The following PDE4D variants were observed in gnomAD, a reference collection of about 807,000 sequenced individuals.
The protein encoded by PDE4D is phosphodiesterase 4D.
Under a neutral mutation model 87.4 loss-of-function variants are expected in PDE4D, and 24 were observed. That is an observed-to-expected ratio of 0.27 (90% CI 0.20 to 0.39). PDE4D has a LOEUF of 0.39. Among genes scored for constraint, PDE4D ranks in the 10% least tolerant of loss-of-function variants. The probability of loss-of-function intolerance (pLI) is 1.00; values close to 1 mark genes in which losing one functional copy is unlikely to be tolerated. For synonymous variants in PDE4D, 384 were observed against 383.2 expected (o/e 1.00, Z -0.02); for missense variants, 714 against 1,041.0 (o/e 0.69, Z 4.32).
intron 1 of PDE4D, among the ~76,000 whole-genome samples, chr5:59,771,453 GAA>G (rs1763451974): frequency 1.5e-5 from 1 of 68,952 alleles, no homozygotes; most frequent in Non-Finnish European, 2.8e-5. Context: ...AAGAAAGAAA[GAA>G]AGAAAGAAAG....
chr5:59,423,456 C>T (rs1182323210), intron 1 of PDE4D, among the ~76,000 whole-genome samples: 1 of 152,016 alleles, frequency 6.6e-6, no homozygotes, highest in Non-Finnish European at 1.5e-5. Context: ...ATTCCATTGC[C>T]AAATTTTTTC....
At position 59,218,916 on chromosome 5, in the gene PDE4D, T is replaced by C. The variant is rs954238557; in HGVS notation, c.456-2948A>G. On this transcript the variant is annotated intron_variant, in intron 1 of 14. Transcript: ENST00000340635. The stretch of plus-strand genomic sequence containing the variant: ...GTAGGGACATGGATGAAATTGGAAA[T>C]CATCATTCTCAGTAAACTATCGCAA... Among the ~76,000 whole-genome samples, 5 of 151,494 alleles carry C rather than the reference T, an allele frequency of 3.3e-5. No homozygotes were observed. In the South Asian group the frequency reaches 6.3e-4, roughly 19 times the overall value.
intron 1 of PDE4D, among the ~76,000 whole-genome samples, chr5:59,401,087 T>G (rs429191): frequency 0.42 from 63,836 of 151,982 alleles, 13,698 homozygotes; most frequent in East Asian, 0.49. Flanking sequence ...ACAAAATTAT[T>G]TAAAATATTG....
intron 1 of PDE4D, among the ~76,000 whole-genome samples, chr5:59,367,764 T>C (rs1416122469): frequency 6.6e-6 from 1 of 152,164 alleles, no homozygotes; most frequent in African/African-American, 2.4e-5. Context: ...GAAGTCTGCC[T>C]TACAGAGCCT....
At chr5:59,501,584 G>A (rs1164875460) in intron 1 of PDE4D, among the ~76,000 whole-genome samples, 1 of 152,120 alleles carries the variant, frequency 6.6e-6, no homozygotes, top group East Asian at 1.9e-4. Flanking sequence ...CAGCTGGGGA[G>A]GAAAGAGGAA....
intron 1 of PDE4D, among the ~76,000 whole-genome samples, chr5:60,355,939 A>C (rs1759581812): frequency 6.6e-6 from 1 of 152,132 alleles, no homozygotes; most frequent in Non-Finnish European, 1.5e-5. Flanking sequence ...GCAGACCCAC[A>C]CATTCCAGAC....
chr5:59,531,158 A>G (rs1814153472), intron 1 of PDE4D, among the ~76,000 whole-genome samples: 1 of 152,218 alleles, frequency 6.6e-6, no homozygotes, highest in African/African-American at 2.4e-5. Flanking sequence ...GCTTGTACAT[A>G]TATTCTGAAG....
chr5:60,176,440 C>T (rs970604636), intron 2 of PDE4D, among the ~76,000 whole-genome samples: 13 of 152,046 alleles, frequency 8.6e-5, no homozygotes, highest in Non-Finnish European at 1.9e-4. Flanking sequence ...CATCTCTGAG[C>T]TTAAATCAGA....
At chr5:60,402,109 T>C (rs1003268105) in intron 1 of PDE4D, among the ~76,000 whole-genome samples, 1 of 152,230 alleles carries the variant, frequency 6.6e-6, no homozygotes, top group African/African-American at 2.4e-5. Flanking sequence ...TCAGAGTAGA[T>C]GGGGCCACTG....
chr5:60,079,114 G>A (rs902560594), intron 2 of PDE4D, among the ~76,000 whole-genome samples: 2 of 152,120 alleles, frequency 1.3e-5, no homozygotes, highest in Non-Finnish European at 2.9e-5. Flanking sequence ...TAGTGGTTTT[G>A]ATTTGCATTT....
chr5:59,848,150 A>C (rs889679641), intron 1 of PDE4D, among the ~76,000 whole-genome samples: 2 of 152,052 alleles, frequency 1.3e-5, no homozygotes, highest in Non-Finnish European at 2.9e-5. Context: ...TAAAAGCTTT[A>C]AAAAATAAGA....
chr5:59,136,535 C>T (rs1248144853), intron 5 of PDE4D, among the ~76,000 whole-genome samples: 2 of 152,104 alleles, frequency 1.3e-5, no homozygotes, highest in Non-Finnish European at 2.9e-5. Flanking sequence ...TAATGCAATA[C>T]TATGTGTCAA....
intron 5 of PDE4D, among the ~76,000 whole-genome samples, chr5:59,043,583 T>C (rs1760069221): frequency 1.3e-5 from 2 of 152,122 alleles, no homozygotes; most frequent in Admixed American, 1.3e-4. Flanking sequence ...CACTTTAAGT[T>C]CTAGGGTACA....
At chr5:60,197,079 A>AGAT (rs1365660458) in intron 1 of PDE4D, among the ~76,000 whole-genome samples, 1 of 103,878 alleles carries the variant, frequency 9.6e-6, no homozygotes, top group Admixed American at 9.0e-5. Flanking sequence ...ATAGACAGTT[A>AGAT]GATAGATAGA....
intron 1 of PDE4D, among the ~76,000 whole-genome samples, chr5:59,410,123 T>C (rs1343152061): frequency 6.6e-6 from 1 of 152,228 alleles, no homozygotes; most frequent in Admixed American, 6.5e-5. Context: ...AATAAATTAT[T>C]GTTGACTGTA....
At chr5:59,929,182 A>C (rs1672904839) in intron 3 of PDE4D, among the ~76,000 whole-genome samples, 1 of 152,138 alleles carries the variant, frequency 6.6e-6, no homozygotes, top group Non-Finnish European at 1.5e-5. Flanking sequence ...TTCCTTTTAT[A>C]ACTTTTACTA....
rs754394427 is a variant in PDE4D, at chr5:59,185,150, A to G, written c.758+39T>C. ...ATCAAGTTGAGAAAACTTATTTAAAAGTTCAGCAAAAAAGAGGGGGGAAAA... is the reference window on the plus strand; with the variant it reads ...ATCAAGTTGAGAAAACTTATTTAAAGGTTCAGCAAAAAAGAGGGGGGAAAA... On this transcript the variant is annotated intron_variant, in intron 4 of 14. Transcript: ENST00000340635. The G allele has an allele frequency of 9.2e-6, 14 of 1,520,428 alleles. No homozygotes were observed. In the Admixed American group the frequency reaches 2.4e-4, roughly 26 times the overall value. The allele number at this position is 1,520,428 out of a possible 1,614,324, so 94.2% of individuals were successfully genotyped here.
intron 1 of PDE4D, among the ~76,000 whole-genome samples, chr5:59,710,699 C>A (rs1466011300): frequency 2.0e-5 from 3 of 152,052 alleles, no homozygotes; most frequent in African/African-American, 7.2e-5. Context: ...AAAAATACTC[C>A]ATTGGTGTAG....
intron 1 of PDE4D, among the ~76,000 whole-genome samples, chr5:60,504,522 C>G (rs1750239783): frequency 6.6e-6 from 1 of 151,742 alleles, no homozygotes; most frequent in South Asian, 2.1e-4. Flanking sequence ...ATTCTCTCTA[C>G]AAAAAAAGAT....
Sources: gnomAD v4.1 joint callset for allele counts (sites outside exome capture counted in the v4.1 genomes callset) on GRCh38, gnomAD v4.1.1 for gene constraint, MANE v1.5 for transcripts, NCBI Gene and HGNC (gene_info 2026-07-23, HGNC 2026-07-21) for gene names.